The following SYNGR4 variants were observed in gnomAD, a reference collection of about 807,000 sequenced individuals.
SYNGR4 encodes the protein synaptogyrin-4.
Under a neutral mutation model 15.5 loss-of-function variants are expected in SYNGR4, and 15 were observed. The ratio of observed to expected loss-of-function variants is 0.97; its 90% confidence interval spans 0.65 to 1.49. SYNGR4 has a LOEUF of 1.49. Among genes scored for constraint, SYNGR4 ranks in the 40% most tolerant of loss-of-function variants. The probability of loss-of-function intolerance (pLI) is 0.00; values close to 1 mark genes in which losing one functional copy is unlikely to be tolerated. For missense variants in SYNGR4, 292 were observed against 299.3 expected, an observed-to-expected ratio of 0.98 and a Z score of 0.18; for synonymous variants, 121 against 127.4, an observed-to-expected ratio of 0.95 and a Z score of 0.34.
chr19:48,364,321 T>G, upstream of SYNGR4: 1 of 186,972 alleles, frequency 5.3e-6, no homozygotes, highest in Non-Finnish European at 1.0e-5. Context: ...GCCAATCAGC[T>G]GTGGAGGAGC....
At chr19:48,369,561 C>T (rs1283929368) in intron 2 of SYNGR4, among the ~76,000 whole-genome samples, 1 of 152,208 alleles carries the variant, frequency 6.6e-6, no homozygotes, top group Non-Finnish European at 1.5e-5. Flanking sequence ...TCCTCCTTTT[C>T]ATAGCATAGA....
At chr19:48,372,489 C>CA (rs879872610) in intron 2 of SYNGR4, among the ~76,000 whole-genome samples, 3,445 of 140,756 alleles carry the variant, frequency 0.024, 121 homozygotes, top group African/African-American at 0.081. Flanking sequence ...ACTAAAAATA[C>CA]AAAAAAAAAA....
intron 3 of SYNGR4, among the ~76,000 whole-genome samples, chr19:48,374,591 G>T (rs558649629): frequency 6.6e-6 from 1 of 152,314 alleles, no homozygotes. Flanking sequence ...CTAGTGCTGT[G>T]CAGGAGAACT....
Position 48,373,715 on chromosome 19 carries a change from T to C in SYNGR4, c.292T>C (p.Phe98Leu). ...GGAGACCCGCATTGCCGGCACCCGC[T>C]TCAAGACAGCCTTCCAGCTCCTGGA... ...TQETRIAGTR[F>L]KTAFQLLDFI... is the part of the protein sequence containing the mutation. The change falls in exon 3 of 5, where the codon TTC becomes CTC. Residue 98 changes from phenylalanine (F) to leucine (L), a missense_variant. Physicochemically the swap from Phe to Leu is conservative, Grantham distance 22. Coordinates refer to ENST00000344846, the MANE Select transcript of SYNGR4 (RefSeq NM_012451.4). 1.2e-6 allele frequency: 2 copies of C among 1,613,996 alleles called. No homozygotes were observed. Among genetic ancestry groups the C allele is most frequent in the African/African-American group, 2.7e-5 (2 of 75,016 alleles).
chr19:48,365,770 C>T lies in SYNGR4; in HGVS notation c.-73C>T, dbSNP rs1222798603. 26 of 1,524,750 alleles carry T rather than the reference C, an allele frequency of 1.7e-5. No individual in the cohort carries two copies. Among genetic ancestry groups the T allele is most frequent in the Middle Eastern group, 1.7e-4 (1 of 5,782 alleles). 94.5% of individuals were successfully genotyped at this position (1,524,750 alleles called of 1,614,324 possible). On this transcript the variant is annotated 5_prime_UTR_variant, in exon 2 of 5. The change creates a new upstream start codon in the 5' untranslated region. Coordinates refer to ENST00000344846, the MANE Select transcript of SYNGR4 (RefSeq NM_012451.4). ...CCAGGGCTGGCCTGAAGCCCCCGGACGGCAGTGCCCAGCAGGCAGCGCCCA... is the reference window on the plus strand; with the variant it reads ...CCAGGGCTGGCCTGAAGCCCCCGGATGGCAGTGCCCAGCAGGCAGCGCCCA...
chr19:48,375,952 C>T, intron 4 of SYNGR4, 133 bp from the exon 5 acceptor site: 2 of 1,535,718 alleles, frequency 1.3e-6, no homozygotes, highest in Non-Finnish European at 1.7e-6. Flanking sequence ...GTGCTTTGGC[C>T]TAGGGCTCCT....
chr19:48,372,253 C>T (rs1042835202), intron 2 of SYNGR4, among the ~76,000 whole-genome samples: 2 of 152,046 alleles, frequency 1.3e-5, no homozygotes, highest in African/African-American at 4.8e-5. Flanking sequence ...ATCTGAAACA[C>T]AGGGCTGTGA....
intron 2 of SYNGR4, among the ~76,000 whole-genome samples, chr19:48,371,578 A>AT (rs34660677): frequency 0.54 from 77,125 of 141,850 alleles, 21,165 homozygotes; most frequent in East Asian, 0.81. Flanking sequence ...TGACCAGCTG[A>AT]TTTTTTTTTT....
chr19:48,368,894 C>A (rs979515981), intron 2 of SYNGR4, among the ~76,000 whole-genome samples: 1 of 152,180 alleles, frequency 6.6e-6, no homozygotes, highest in African/African-American at 2.4e-5. Flanking sequence ...CAAGGGGAAA[C>A]TGAGGCTCAC....
At chr19:48,373,406 G>T in intron 2 of SYNGR4, 111 bp from the exon 3 acceptor site, 1 of 910,816 alleles carries the variant, frequency 1.1e-6, no homozygotes, top group Non-Finnish European at 1.8e-6. Context: ...AGAGGGAGAG[G>T]TCCAGACGGA....
At chr19:48,366,074 C>T in intron 2 of SYNGR4, 139 bp downstream of exon 2, 1 of 841,012 alleles carries the variant, frequency 1.2e-6, no homozygotes, top group Non-Finnish European at 1.9e-6. Context: ...ATGCTGACAC[C>T]ACCTTTTCCT....
chr19:48,369,785 A>T (rs1970277287), intron 2 of SYNGR4, among the ~76,000 whole-genome samples: 1 of 152,152 alleles, frequency 6.6e-6, no homozygotes, highest in Middle Eastern at 3.2e-3. Context: ...CTCAAAAATG[A>T]TCAATGTGCT....
chr19:48,364,743 C>A (rs1970162627), intron 1 of SYNGR4, among the ~76,000 whole-genome samples: 1 of 152,050 alleles, frequency 6.6e-6, no homozygotes, highest in Non-Finnish European at 1.5e-5. Context: ...GCTGTCACCC[C>A]CAAACCTGAA....
chr19:48,365,849 A>T lies in SYNGR4; in HGVS notation c.7A>T (p.Ile3Phe). Residue 3 changes from isoleucine (I) to phenylalanine (F), a missense_variant, in exon 2 of 5, where the codon ATC becomes TTC. Coordinates refer to ENST00000344846, the MANE Select transcript of SYNGR4 (RefSeq NM_012451.4). MH[I>F]PKSLQELANS... ...CCAAAGGAAAACAGCTGCCATGCAC[A>T]TCCCCAAAAGCCTCCAGGAGCTGGC... is the stretch of plus-strand genomic sequence containing the variant. 1 of 1,613,782 alleles carries T rather than the reference A, an allele frequency of 6.2e-7. No homozygotes were observed. Among genetic ancestry groups the T allele is most frequent in the Non-Finnish European group, 8.5e-7 (1 of 1,179,968 alleles).
At chr19:48,375,181 G>A (rs1600949035) in intron 3 of SYNGR4, among the ~76,000 whole-genome samples, 1 of 151,672 alleles carries the variant, frequency 6.6e-6, no homozygotes, top group South Asian at 2.1e-4. Flanking sequence ...GCCCGCCACC[G>A]TGCTGGGCTA....
At chr19:48,375,789 G>A in intron 4 of SYNGR4, 37 bp downstream of exon 4, 1 of 1,598,436 alleles carries the variant, frequency 6.3e-7, no homozygotes. Context: ...TCCCTAGGAG[G>A]GCACCCTCTG....
At chr19:48,372,123 G>A (rs1193947238) in intron 2 of SYNGR4, among the ~76,000 whole-genome samples, 2 of 151,970 alleles carry the variant, frequency 1.3e-5, no homozygotes, top group African/African-American at 2.4e-5. Context: ...GGCCTGACAC[G>A]ATCCTCCCAT....
chr19:48,365,696 G>A (rs549207355), intron 1 of SYNGR4, 40 bp from the exon 2 acceptor site: 254 of 169,482 alleles, frequency 1.5e-3, no homozygotes, highest in Middle Eastern at 5.0e-3. Context: ...CTTCCACCCC[G>A]TGCCCCTGAC....
At chr19:48,369,391 A>C (rs1207219176) in intron 2 of SYNGR4, among the ~76,000 whole-genome samples, 1 of 152,112 alleles carries the variant, frequency 6.6e-6, no homozygotes, top group East Asian at 1.9e-4. Flanking sequence ...TTTGGGGGTC[A>C]GTGGACAGAC....
Sources: allele counts gnomAD v4.1 joint callset (sites outside exome capture counted in the v4.1 genomes callset), GRCh38; gene constraint gnomAD v4.1.1; transcripts MANE v1.5; gene names NCBI Gene and HGNC (gene_info 2026-07-23, HGNC 2026-07-21).